ATAD2B: variants seen among roughly 807,000 people sequenced by gnomAD.
ATAD2B encodes ATPase family AAA domain containing 2B.
Under a neutral mutation model 167.6 loss-of-function variants are expected in ATAD2B, and 40 were observed. The ratio of observed to expected loss-of-function variants is 0.24; its 90% CI spans 0.19 to 0.31. The LOEUF (loss-of-function observed/expected upper bound fraction) is 0.31, where lower values mean the gene tolerates loss of function less well. Among genes scored for constraint, ATAD2B ranks in the 10% least tolerant of loss-of-function variants. ATAD2B has a pLI of 1.00. For missense variants in ATAD2B, 1,242 were observed against 1,757.2 expected (o/e 0.71, Z 5.24); for synonymous variants, 579 against 596.5 (o/e 0.97, Z 0.43).
chr2:23,837,643 C>T (rs571592816), intron 13 of ATAD2B, among the ~76,000 whole-genome samples: 1 of 152,230 alleles, frequency 6.6e-6, no homozygotes, highest in African/African-American at 2.4e-5. Context: ...GATGGCCTGC[C>T]GCTGCCATCA....
chr2:23,744,891 A>T (rs1674738944), downstream of ATAD2B, among the ~76,000 whole-genome samples: 1 of 152,228 alleles, frequency 6.6e-6, no homozygotes, highest in Admixed American at 6.5e-5. Context: ...AAAAGAACTA[A>T]AACAAGTATG....
chr2:23,873,644 G>GT (rs1351468160), intron 8 of ATAD2B, among the ~76,000 whole-genome samples: 1 of 152,084 alleles, frequency 6.6e-6, no homozygotes, highest in African/African-American at 2.4e-5. Flanking sequence ...TATTGTTGGG[G>GT]TTTTTTCTCA....
chr2:23,867,844 A>C lies in ATAD2B; in HGVS notation c.1179T>G (p.Ile393Met). The C allele has an allele frequency of 6.3e-7, 1 of 1,599,762 alleles. No homozygotes were observed. Among genetic ancestry groups the C allele is most frequent in the Non-Finnish European group, 8.5e-7 (1 of 1,172,468 alleles). The stretch of plus-strand genomic sequence containing the variant: ...CATTTACAAAACTTACTGATTTATC[A>C]ATGTTCATTGGATCAACATCAGCCA... ...ASLADVDPMN[I>M]DKSVRFDSIG... The change falls in exon 10 of 28, where the codon ATT becomes ATG. Residue 393 changes from isoleucine (I) to methionine (M), a missense_variant. Transcript: ENST00000238789.
the ATAD2B span, among the ~76,000 whole-genome samples, chr2:23,682,849 C>T: frequency 6.6e-6 from 1 of 152,064 alleles, no homozygotes; most frequent in Non-Finnish European, 1.5e-5. This position sits in a 1 kb window ranked among gnomAD's most constrained non-coding sequence, Gnocchi z 4.1. Context: ...TGCTGTGACT[C>T]CAGACTCAGT....
the ATAD2B span, chr2:23,684,459 T>C: frequency 6.4e-7 from 1 of 1,550,904 alleles, no homozygotes; most frequent in African/African-American, 1.4e-5. The surrounding 1 kb of genome is among the most constrained non-coding windows in gnomAD (Gnocchi z 4.4). Flanking sequence ...CTGAAAATTG[T>C]TGTTGAAGGC....
the ATAD2B span, among the ~76,000 whole-genome samples, chr2:23,739,857 G>A: frequency 1.3e-5 from 2 of 152,110 alleles, no homozygotes; most frequent in African/African-American, 4.8e-5. Flanking sequence ...AATAAAAAAT[G>A]ATAAAGGGGA....
chr2:23,807,138 G>C (rs887723336), intron 18 of ATAD2B, among the ~76,000 whole-genome samples: 15 of 152,290 alleles, frequency 9.8e-5, no homozygotes, highest in Admixed American at 7.2e-4. Flanking sequence ...CCAATGCAGA[G>C]ATCTGGAGCA....
rs72851370 is a variant in ATAD2B, at chr2:23,829,840, A to G, written c.1729-901T>C. On this transcript the variant is annotated intron_variant, in intron 14 of 27. Coordinates refer to ENST00000238789, the MANE Select transcript of ATAD2B (RefSeq NM_017552.4). ...TTTAATACAAGGTATTTCAATAAAT[A>G]TCAATTAAATTCATTGAAAGATCAA... Among the ~76,000 whole-genome samples the G allele has an allele frequency of 7.3e-3, 1,116 of 152,346 alleles. 10 individuals are homozygous for G. Among genetic ancestry groups the G allele is most frequent in the African/African-American group, 0.026 (1,066 of 41,568 alleles).
At chr2:23,850,750 T>C (rs1183960164) in intron 13 of ATAD2B, among the ~76,000 whole-genome samples, 1 of 152,228 alleles carries the variant, frequency 6.6e-6, no homozygotes, top group African/African-American at 2.4e-5. Flanking sequence ...ATACGTGTCA[T>C]TACACATTTG....
chr2:23,730,893 GT>G, the ATAD2B span, among the ~76,000 whole-genome samples: 4 of 150,936 alleles, frequency 2.7e-5, no homozygotes, highest in South Asian at 8.3e-4. Flanking sequence ...AAAAATCCTA[GT>G]TTTTTTGAAA....
chr2:23,693,514 G>A, the ATAD2B span: 21 of 1,550,294 alleles, frequency 1.4e-5, no homozygotes, highest in African/African-American at 5.5e-5. Flanking sequence ...GAAGGACCCC[G>A]CGACACGCAC....
intron 12 of ATAD2B, among the ~76,000 whole-genome samples, chr2:23,859,350 C>A (rs1693969250): frequency 6.6e-6 from 1 of 152,060 alleles, no homozygotes. Context: ...CACTCTCTCA[C>A]CCAGGCTGGA....
chr2:23,863,953 G>A (rs1427534749), intron 11 of ATAD2B, among the ~76,000 whole-genome samples: 1 of 151,556 alleles, frequency 6.6e-6, no homozygotes, highest in African/African-American at 2.4e-5. Context: ...AATAAAAAGT[G>A]CCTCCTTAAA....
chr2:23,798,459 A>T, intron 18 of ATAD2B, 136 bp from the exon 19 acceptor site: 1 of 621,340 alleles, frequency 1.6e-6, no homozygotes. Context: ...AGTTCAAGAT[A>T]TGATGCACAA....
the ATAD2B span, among the ~76,000 whole-genome samples, chr2:23,719,683 T>C: frequency 6.6e-6 from 1 of 152,156 alleles, no homozygotes; most frequent in Non-Finnish European, 1.5e-5. Flanking sequence ...TCACTGTTTC[T>C]ACACCAGGAA....
the ATAD2B span, chr2:23,684,361 A>G: frequency 7.4e-7 from 1 of 1,352,450 alleles, no homozygotes; most frequent in South Asian, 2.0e-5. This position sits in a 1 kb window ranked among gnomAD's most constrained non-coding sequence, Gnocchi z 4.4. Context: ...AAAACTCTTA[A>G]TGGGAACCTG....
At chr2:23,864,040 G>A (rs1308447971) in intron 11 of ATAD2B, among the ~76,000 whole-genome samples, 1 of 65,078 alleles carries the variant, frequency 1.5e-5, no homozygotes, top group Non-Finnish European at 3.5e-5. Flanking sequence ...TTTTTTCTGA[G>A]ACGGAATCCT....
chr2:23,720,270 T>G, the ATAD2B span, among the ~76,000 whole-genome samples: 5 of 151,992 alleles, frequency 3.3e-5, no homozygotes, highest in Admixed American at 2.0e-4. Context: ...CTACCTATGG[T>G]GATCAAAAGT....
intron 19 of ATAD2B, among the ~76,000 whole-genome samples, chr2:23,793,739 T>A (rs1682166532): frequency 6.6e-6 from 1 of 152,228 alleles, no homozygotes; most frequent in Non-Finnish European, 1.5e-5. Context: ...GTGTTAGCAC[T>A]GTGCTAGGAA....
Sources: allele counts gnomAD v4.1 joint callset (sites outside exome capture counted in the v4.1 genomes callset), GRCh38; gene constraint gnomAD v4.1.1; non-coding constraint Gnocchi (gnomAD v3.1); transcripts MANE v1.5; gene names NCBI Gene and HGNC (gene_info 2026-07-23, HGNC 2026-07-21).